SHLD2: variants seen among roughly 807,000 people sequenced by gnomAD.
The protein encoded by SHLD2 is RINN1-REV7-interacting novel NHEJ regulator 2.
A neutral mutation model predicts 73.2 loss-of-function variants in SHLD2; 30 were observed. The ratio of observed to expected loss-of-function variants is 0.41; its 90% confidence interval spans 0.31 to 0.56. The LOEUF is 0.56. Ranked by LOEUF, SHLD2 falls within the 20% of genes least tolerant of loss-of-function variation. The pLI is 0.28. For synonymous variants in SHLD2, 285 were observed against 370.1 expected (o/e 0.77, Z 2.64); for missense variants, 745 against 1,055.9 (o/e 0.71, Z 4.08).
At chr10:87,136,877 C>T (rs1431337290) in intron 2 of SHLD2, among the ~76,000 whole-genome samples, 1 of 152,224 alleles carries the variant, frequency 6.6e-6, no homozygotes, top group Admixed American at 6.5e-5. Context: ...AGGACTTGAT[C>T]TCAGTCCTTA....
Position 87,181,800 on chromosome 10 carries a change from G to A in SHLD2, c.2399+1497G>A, listed in dbSNP as rs563958640. 7.3e-5 allele frequency among the ~76,000 whole-genome samples: 11 copies of A among 150,624 alleles called. No individual in the cohort carries two copies. In the East Asian group the frequency reaches 9.8e-4, roughly 13 times the overall value. ...TTTTTATTTTTTGAGACAGAGTTTCGCTCTTGTTGCCCAGGCTGGAGTGCA... is the reference window on the plus strand; with the variant it reads ...TTTTTATTTTTTGAGACAGAGTTTCACTCTTGTTGCCCAGGCTGGAGTGCA... On this transcript the variant is annotated intron_variant, in intron 8 of 9. Coordinates refer to ENST00000298786, the MANE Select transcript of SHLD2 (RefSeq NM_001330112.2).
chr10:87,167,709 A>C (rs1244574437), intron 4 of SHLD2, among the ~76,000 whole-genome samples: 14 of 152,174 alleles, frequency 9.2e-5, no homozygotes. Flanking sequence ...CAGTGGCCTG[A>C]TCATGGCTCA....
chr10:87,182,190 A>C (rs2134713035), intron 8 of SHLD2, among the ~76,000 whole-genome samples: 1 of 152,362 alleles, frequency 6.6e-6, no homozygotes, highest in African/African-American at 2.4e-5. Flanking sequence ...TACATAAATC[A>C]ATCAGCAAAC....
intron 3 of SHLD2, chr10:87,154,426 G>A (rs1267287601): frequency 2.7e-5 from 4 of 150,540 alleles, no homozygotes; most frequent in African/African-American, 4.9e-5. Flanking sequence ...TGTCACCCAG[G>A]CTGGAGCGCA....
intron 2 of SHLD2, among the ~76,000 whole-genome samples, chr10:87,119,472 G>A (rs1273047403): frequency 6.6e-6 from 1 of 151,846 alleles, no homozygotes; most frequent in Non-Finnish European, 1.5e-5. Flanking sequence ...TCAAAATCAT[G>A]TGTATAGGGC....
chr10:87,191,248 T>C lies in SHLD2; in HGVS notation c.*565T>C, dbSNP rs1849045297. 1 of 158,750 alleles carries C rather than the reference T, an allele frequency of 6.3e-6. No individual in the cohort carries two copies. Among genetic ancestry groups the C allele is most frequent in the African/African-American group, 2.4e-5 (1 of 41,414 alleles). The allele number at this position is 158,750 out of a possible 1,614,324, so 9.8% of individuals were successfully genotyped here. On this transcript the variant is annotated 3_prime_UTR_variant, in exon 10 of 10. Coordinates refer to ENST00000298786, the MANE Select transcript of SHLD2 (RefSeq NM_001330112.2). ...TTTATTAAAGCAGGGAAGAGCGTTCTGTGCTTAGTTCGTGTCTAGGATTTG... is the reference window on the plus strand; with the variant it reads ...TTTATTAAAGCAGGGAAGAGCGTTCCGTGCTTAGTTCGTGTCTAGGATTTG...
At chr10:87,141,122 A>T (rs1845163685) in intron 2 of SHLD2, among the ~76,000 whole-genome samples, 1 of 152,088 alleles carries the variant, frequency 6.6e-6, no homozygotes, top group Non-Finnish European at 1.5e-5. Context: ...TCTCAAAAAA[A>T]AAAATTTAAA....
chr10:87,175,816 A>G, intron 6 of SHLD2, 73 bp from the exon 7 acceptor site: 2 of 1,437,858 alleles, frequency 1.4e-6, no homozygotes, highest in Non-Finnish European at 1.9e-6. Context: ...AATCAGATCA[A>G]TCTATTTAAT....
chr10:87,106,750 C>T (rs1842619002), intron 2 of SHLD2, among the ~76,000 whole-genome samples: 1 of 152,250 alleles, frequency 6.6e-6, no homozygotes, highest in South Asian at 2.1e-4. Flanking sequence ...GCCATTAGCA[C>T]CTTGTTATCA....
At chr10:87,098,651 G>T (rs1039141975) in intron 2 of SHLD2, among the ~76,000 whole-genome samples, 1 of 152,088 alleles carries the variant, frequency 6.6e-6, no homozygotes, top group Non-Finnish European at 1.5e-5. Flanking sequence ...ATTCCAAGGA[G>T]TATTTTAAGT....
rs1459250171 is a variant in SHLD2, at chr10:87,180,284, A to G, written c.2380A>G (p.Met794Val). 3.1e-6 allele frequency: 5 copies of G among 1,608,026 alleles called. No homozygotes were observed. The highest frequency in any genetic ancestry group is 2.2e-5 in the East Asian group (1 of 44,836). ...ATGTTTTAGCTGCTTGCCATTTACT[A>G]TGAAGAAAATATATTATAGGTAAGG... ...KQCFSCLPFTMKKIYYRPALM... is the reference protein window; with the variant it reads ...KQCFSCLPFTVKKIYYRPALM... The change falls in exon 8 of 10, where the codon ATG (methionine) becomes GTG (valine). Residue 794 changes from methionine (M) to valine (V), a missense_variant. Coordinates refer to ENST00000298786, the MANE Select transcript of SHLD2 (RefSeq NM_001330112.2).
intron 4 of SHLD2, among the ~76,000 whole-genome samples, chr10:87,163,191 T>G (rs1177646510): frequency 2.0e-5 from 3 of 152,108 alleles, no homozygotes; most frequent in Admixed American, 6.6e-5. Flanking sequence ...CATACTGTTA[T>G]GTGAAAACAT....
intron 4 of SHLD2, among the ~76,000 whole-genome samples, chr10:87,168,768 AC>A (rs1459465456): frequency 6.6e-6 from 1 of 152,056 alleles, no homozygotes; most frequent in Non-Finnish European, 1.5e-5. Context: ...AACAATACAC[AC>A]TGGGGACTAC....
At chr10:87,187,040 T>A (rs1156405097) in intron 8 of SHLD2, 45 bp from the exon 9 acceptor site, 2 of 1,229,698 alleles carry the variant, frequency 1.6e-6, no homozygotes, top group Admixed American at 1.8e-5. Context: ...ATTTCTTTTA[T>A]CTGAAAATCT....
chr10:87,114,350 ATTATAT>A (rs1470703326), intron 2 of SHLD2: 1 of 152,224 alleles, frequency 6.6e-6, no homozygotes, highest in African/African-American at 2.4e-5. Context: ...GCGATTTTAT[ATTATAT>A]TTATAAAGAT....
At chr10:87,185,110 G>C (rs1432066186) in intron 8 of SHLD2, among the ~76,000 whole-genome samples, 2 of 151,990 alleles carry the variant, frequency 1.3e-5, no homozygotes, top group Non-Finnish European at 2.9e-5. Context: ...TGGCAACTAC[G>C]AATCTGCTTT....
At chr10:87,144,415 AAG>A (rs1845426089) in intron 2 of SHLD2, among the ~76,000 whole-genome samples, 1 of 152,180 alleles carries the variant, frequency 6.6e-6, no homozygotes, top group Non-Finnish European at 1.5e-5. Context: ...AAGTTATGCA[AAG>A]AGAGTTGAGA....
At chr10:87,187,339 A>T in intron 9 of SHLD2, 139 bp downstream of exon 9, 1 of 642,008 alleles carries the variant, frequency 1.6e-6, no homozygotes, top group Non-Finnish European at 2.8e-6. Flanking sequence ...CTTAAGTGAA[A>T]TATAAGCCTA....
chr10:87,097,322 A>G lies in SHLD2; in HGVS notation c.-6+333A>G, dbSNP rs900934831. On this transcript the variant is annotated intron_variant, in intron 2 of 9. Transcript: ENST00000298786. ...ACGCCTGTAATCCCAGCACTTTAGG[A>G]GGCTAAAGTGGGCGGATCACTTGAG... 9.9e-5 allele frequency among the ~76,000 whole-genome samples: 15 copies of G among 152,206 alleles called. 1 individual carries two copies. Among genetic ancestry groups the G allele is most frequent in the African/African-American group, 3.6e-4 (15 of 41,444 alleles).
Sources: gnomAD v4.1 joint callset for allele counts (sites outside exome capture counted in the v4.1 genomes callset) on GRCh38, gnomAD v4.1.1 for gene constraint, MANE v1.5 for transcripts, NCBI Gene and HGNC (gene_info 2026-07-23, HGNC 2026-07-21) for gene names.